The following INSC variants were observed in gnomAD, a reference collection of about 807,000 sequenced individuals.
INSC encodes INSC spindle orientation adaptor protein, also known as protein inscuteable homolog.
Under a neutral mutation model 58.6 loss-of-function variants are expected in INSC, and 67 were observed. That is an observed-to-expected ratio of 1.14 (90% CI 0.94 to 1.40). The LOEUF is 1.40. Ranked by LOEUF, INSC falls within the 40% of genes most tolerant of loss-of-function variation. INSC has a pLI of 0.00. For synonymous variants in INSC, 262 were observed against 276.1 expected (o/e 0.95, Z 0.51); for missense variants, 714 against 692.0 (o/e 1.03, Z -0.36).
chr11:15,216,429 C>G (rs944152610), intron 7 of INSC, among the ~76,000 whole-genome samples: 1 of 152,174 alleles, frequency 6.6e-6, no homozygotes, highest in Non-Finnish European at 1.5e-5. Context: ...TCTCCATTTT[C>G]GTGTTGCTGT....
rs528339554 is a variant in INSC at position 15,142,149 on chromosome 11, T to A, written c.-45-6981T>A. 2.5e-4 allele frequency among the ~76,000 whole-genome samples: 38 copies of A among 152,344 alleles called. 1 individual carries two copies. In the South Asian group the frequency reaches 7.5e-3, roughly 30 times the overall value. On this transcript the variant is annotated intron_variant, in intron 1 of 12. Transcript: ENST00000379556. Reference sequence around the variant, plus strand: ...GGCTCACACTGCTCTTGGCACTGAATGCCCTTGTCCCATCTTCCCCTGGCA... The same window carrying A: ...GGCTCACACTGCTCTTGGCACTGAAAGCCCTTGTCCCATCTTCCCCTGGCA...
chr11:15,133,086 A>G (rs536647444), intron 1 of INSC, among the ~76,000 whole-genome samples: 9 of 152,308 alleles, frequency 5.9e-5, no homozygotes, highest in Non-Finnish European at 1.0e-4. Flanking sequence ...GATTCTTTGA[A>G]TATCACCATT....
intron 9 of INSC, among the ~76,000 whole-genome samples, chr11:15,228,541 C>G (rs1164896070): frequency 1.3e-5 from 2 of 152,226 alleles, no homozygotes; most frequent in African/African-American, 2.4e-5. Context: ...ACAAATGGCT[C>G]TTTCCTGTTG....
At chr11:15,234,434 G>T (rs1330753822) in intron 9 of INSC, among the ~76,000 whole-genome samples, 1 of 152,186 alleles carries the variant, frequency 6.6e-6, no homozygotes, top group Non-Finnish European at 1.5e-5. Flanking sequence ...GTGTTATCCA[G>T]AGTAATTAAA....
rs528173579 is a variant in INSC, at chr11:15,175,788, T to C, written c.104T>C (p.Leu35Pro). The C allele has an allele frequency of 1.9e-6, 3 of 1,598,830 alleles. No homozygotes were observed. The South Asian group carries it at 3.3e-5, about 18-fold the overall frequency. ...TCAGTCCAGCGCTGGATGGAAGATC[T>C]GAAGCTCATGACCGAGTGCGAGTGC... ...VDSVQRWMED[L>P]KLMTECECMC... Residue 35 changes from leucine to proline, a missense_variant, in exon 3 of 13, where the codon CTG becomes CCG. By Grantham distance (98) the Leu-to-Pro change is moderately conservative. Coordinates refer to ENST00000379556, the MANE Select transcript of INSC (RefSeq NM_001042536.3).
intron 5 of INSC, among the ~76,000 whole-genome samples, chr11:15,188,922 G>A (rs1203349782): frequency 1.3e-5 from 2 of 152,138 alleles, no homozygotes; most frequent in Non-Finnish European, 2.9e-5. Flanking sequence ...ATTCTAAGAA[G>A]TGTGATCTTT....
intron 11 of INSC, 52 bp downstream of exon 11, chr11:15,239,126 G>T: frequency 6.4e-7 from 1 of 1,569,506 alleles, no homozygotes; most frequent in East Asian, 2.3e-5. Context: ...TATTGGGGGT[G>T]GGAGCAGCTC....
At chr11:15,201,049 G>A (rs1850571138) in intron 7 of INSC, 100 bp downstream of exon 7, 11 of 1,398,240 alleles carry the variant, frequency 7.9e-6, no homozygotes, top group Middle Eastern at 5.0e-4. Context: ...TGGACCAAGT[G>A]CCTCGAGTAG....
chr11:15,174,877 A>C (rs1342394838), intron 2 of INSC, among the ~76,000 whole-genome samples: 1 of 152,218 alleles, frequency 6.6e-6, no homozygotes, highest in African/African-American at 2.4e-5. Flanking sequence ...AGTGCCTGGC[A>C]CTTATATGAA....
chr11:15,245,966 T>C lies in INSC; in HGVS notation c.1525T>C (p.Phe509Leu), dbSNP rs1357410010. The part of the protein sequence containing the change: ...VCPEGLQDSD[F>L]QQLVQPRLVD... ...CCCTGAAGGCCTCCAGGACTCTGAC[T>C]TTCAGCAGTTGGTCCAGCCTCGGCT... Residue 509 changes from phenylalanine to leucine, a missense_variant, in exon 13 of 13, where the codon TTT becomes CTT. Phe to Leu is a conservative substitution (Grantham distance 22, BLOSUM62 0). Coordinates refer to ENST00000379556, the MANE Select transcript of INSC (RefSeq NM_001042536.3). 9 of 1,614,082 alleles carry C rather than the reference T, an allele frequency of 5.6e-6. No homozygotes were observed. The highest frequency in any genetic ancestry group is 1.7e-5 in the Admixed American group (1 of 60,014).
chr11:15,230,007 AT>A (rs1266317300), intron 9 of INSC, among the ~76,000 whole-genome samples: 24 of 26,368 alleles, frequency 9.1e-4, no homozygotes, highest in South Asian at 4.6e-3. Flanking sequence ...ATATATATAT[AT>A]ATATAATATA....
At chr11:15,174,600 G>T (rs530603767) in intron 2 of INSC, among the ~76,000 whole-genome samples, 5 of 152,156 alleles carry the variant, frequency 3.3e-5, no homozygotes, top group African/African-American at 1.2e-4. Flanking sequence ...TAAGATCAGC[G>T]GCAGAAAGAC....
intron 7 of INSC, among the ~76,000 whole-genome samples, chr11:15,204,136 T>C (rs955937030): frequency 3.3e-5 from 5 of 152,338 alleles, no homozygotes; most frequent in South Asian, 2.1e-4. Context: ...AACTAACATA[T>C]ATCGAATACT....
chr11:15,262,798 A>G, the INSC span, among the ~76,000 whole-genome samples: 1 of 152,106 alleles, frequency 6.6e-6, no homozygotes, highest in Non-Finnish European at 1.5e-5. Context: ...TTCCACAGAC[A>G]AAGCTCAAAG....
upstream of INSC, among the ~76,000 whole-genome samples, chr11:15,113,062 C>T (rs1650667018): frequency 6.6e-6 from 1 of 151,588 alleles, no homozygotes; most frequent in Non-Finnish European, 1.5e-5. Context: ...CCTTTCCTTC[C>T]CTCTCTTCCC....
chr11:15,113,387 C>T (rs1292562388), upstream of INSC, among the ~76,000 whole-genome samples: 4 of 152,054 alleles, frequency 2.6e-5, no homozygotes, highest in African/African-American at 7.2e-5. Context: ...ACTTAATCTC[C>T]GGACTTTGTG....
intron 5 of INSC, among the ~76,000 whole-genome samples, chr11:15,179,868 C>A (rs943883879): frequency 6.6e-6 from 1 of 152,196 alleles, no homozygotes; most frequent in Non-Finnish European, 1.5e-5. Context: ...GAGAGGGAGA[C>A]CTGGAGCAAC....
chr11:15,230,607 T>C (rs1996554), intron 9 of INSC, among the ~76,000 whole-genome samples: 83,496 of 152,120 alleles, frequency 0.55, 24,383 homozygotes, highest in East Asian at 0.88. Flanking sequence ...TATTGTGTAG[T>C]ATTGGAGGAA....
chr11:15,269,525 G>A, the INSC span, among the ~76,000 whole-genome samples: 1 of 151,488 alleles, frequency 6.6e-6, no homozygotes, highest in African/African-American at 2.4e-5. Flanking sequence ...AATTCCTGAT[G>A]GTTTTTTTTT....
Sources: gnomAD v4.1 joint callset for allele counts (sites outside exome capture counted in the v4.1 genomes callset) on GRCh38, gnomAD v4.1.1 for gene constraint, MANE v1.5 for transcripts, NCBI Gene and HGNC (gene_info 2026-07-23, HGNC 2026-07-21) for gene names.